Variants in SPSB1 observed in about 807,000 individuals in gnomAD.
SPSB1 encodes SPRY domain-containing SOCS box protein 1.
SPSB1 carries 8 observed loss-of-function variants against 21.2 expected under a neutral mutation model. The observed-to-expected ratio is 0.38, with a 90% CI of 0.22 to 0.68. The LOEUF (loss-of-function observed/expected upper bound fraction) is 0.68, where lower values mean the gene tolerates loss of function less well. SPSB1 is among the 30% of genes least tolerant of loss of function. The pLI is 0.53. For missense variants in SPSB1, 242 were observed against 377.8 expected (o/e 0.64, Z 2.98); for synonymous variants, 169 against 161.7 (o/e 1.05, Z -0.34).
intron 1 of SPSB1, among the ~76,000 whole-genome samples, chr1:9,312,409 T>C (rs2100472418): frequency 6.6e-6 from 1 of 152,238 alleles, no homozygotes; most frequent in East Asian, 1.9e-4. Context: ...CAGGGTTCTT[T>C]CGTAACAGCC....
intron 1 of SPSB1, among the ~76,000 whole-genome samples, chr1:9,344,438 C>T (rs554171001): frequency 6.6e-6 from 1 of 152,152 alleles, no homozygotes; most frequent in East Asian, 1.9e-4. Context: ...GTGACGGGAC[C>T]GAGCAACTTG....
At chr1:9,354,163 G>C (rs12727816) in intron 1 of SPSB1, among the ~76,000 whole-genome samples, 2 of 152,010 alleles carry the variant, frequency 1.3e-5, no homozygotes, top group East Asian at 1.9e-4. Flanking sequence ...CATACTGAAG[G>C]GGGAGGCCAG....
intron 1 of SPSB1, among the ~76,000 whole-genome samples, chr1:9,297,131 G>A (rs527442712): frequency 6.6e-6 from 1 of 152,270 alleles, no homozygotes; most frequent in African/African-American, 2.4e-5. Flanking sequence ...GTGACTGTGA[G>A]AATGGTTTGT....
chr1:9,324,095 C>G lies in SPSB1; in HGVS notation c.-150+31024C>G, dbSNP rs946574645. Among the ~76,000 whole-genome samples the G allele has an allele frequency of 2.0e-5, 3 of 152,218 alleles. No individual in the cohort carries two copies. On this transcript the variant is annotated intron_variant, in intron 1 of 2. Coordinates refer to ENST00000328089, the MANE Select transcript of SPSB1 (RefSeq NM_025106.4). This position sits in a 1 kb window ranked among gnomAD's most constrained non-coding sequence, Gnocchi z 4.3. ...GCCTGGTTGCTCTGTCATGGCCCCACCTTTTTTCCTAGGTTTTTCAGTCCA... is the reference window on the plus strand; with the variant it reads ...GCCTGGTTGCTCTGTCATGGCCCCAGCTTTTTTCCTAGGTTTTTCAGTCCA...
At chr1:9,311,029 C>T (rs184219471) in intron 1 of SPSB1, among the ~76,000 whole-genome samples, 5 of 152,168 alleles carry the variant, frequency 3.3e-5, no homozygotes, top group East Asian at 1.9e-4. Context: ...TGTATCCTAT[C>T]GGGCCAATTT....
At chr1:9,337,170 G>A (rs12731339) in intron 1 of SPSB1, among the ~76,000 whole-genome samples, 75,520 of 151,730 alleles carry the variant, frequency 0.5, 19,562 homozygotes, top group Middle Eastern at 0.59. Flanking sequence ...GTTTCCATCT[G>A]GTTGTCCTAG....
At chr1:9,302,973 G>A (rs928458443) in intron 1 of SPSB1, among the ~76,000 whole-genome samples, 2 of 152,190 alleles carry the variant, frequency 1.3e-5, no homozygotes, top group African/African-American at 2.4e-5. Flanking sequence ...TCCAGAGAGA[G>A]GAATGCTCCT....
rs144658543 is a variant in SPSB1, at chr1:9,321,560, G to A, written c.-150+28489G>A. Among the ~76,000 whole-genome samples, 60 of 152,312 alleles carry A rather than the reference G, an allele frequency of 3.9e-4. 1 individual carries two copies. In the South Asian group the frequency reaches 4.6e-3, roughly 12 times the overall value. On this transcript the variant is annotated intron_variant, in intron 1 of 2. Transcript: ENST00000328089. The surrounding 1 kb of genome is among the most constrained non-coding windows in gnomAD (Gnocchi z 4.8). ...AGAACGGGGAAGAGGGTGTTTGAGAGACTGATGAGTCAGTGAGGGAGACCG... is the reference window on the plus strand; with the variant it reads ...AGAACGGGGAAGAGGGTGTTTGAGAAACTGATGAGTCAGTGAGGGAGACCG...
At chr1:9,300,504 G>C (rs1159946984) in intron 1 of SPSB1, among the ~76,000 whole-genome samples, 1 of 152,210 alleles carries the variant, frequency 6.6e-6, no homozygotes, top group African/African-American at 2.4e-5. Flanking sequence ...TACAGGCCTT[G>C]GGATTTTGGA....
chr1:9,368,463 G>C lies in SPSB1; in HGVS notation c.*888G>C, dbSNP rs1169230194. 1.3e-5 allele frequency: 2 copies of C among 152,232 alleles called. No individual in the cohort carries two copies. The highest frequency in any genetic ancestry group is 2.9e-5 in the Non-Finnish European group (2 of 68,054). 9.4% of individuals were successfully genotyped at this position (152,232 alleles called of 1,614,324 possible). A position where few individuals can be genotyped will look rare whatever the true frequency, so the allele number is the denominator to read the frequency against. On this transcript the variant is annotated 3_prime_UTR_variant, in exon 3 of 3. Transcript: ENST00000328089. ...TCACGTGCAATCTGGGTGTCTTCGG[G>C]GGCCCGTCTGGAAGGGCTGCAGCAA...
chr1:9,324,450 G>A lies in SPSB1; in HGVS notation c.-149-31293G>A, dbSNP rs1291406310. Among the ~76,000 whole-genome samples, 4 of 152,214 alleles carry A rather than the reference G, an allele frequency of 2.6e-5. No individual in the cohort carries two copies. Among genetic ancestry groups the A allele is most frequent in the Admixed American group, 6.5e-5 (1 of 15,292 alleles). On this transcript the variant is annotated intron_variant, in intron 1 of 2. Coordinates refer to ENST00000328089, the MANE Select transcript of SPSB1 (RefSeq NM_025106.4). This position sits in a 1 kb window ranked among gnomAD's most constrained non-coding sequence, Gnocchi z 4.3. Reference sequence around the variant, plus strand: ...TCTGGTGCCTGGGTGCACATCCCTGGCTGTCCTCCATGGTGTCTCTCTGTG... The same window carrying A: ...TCTGGTGCCTGGGTGCACATCCCTGACTGTCCTCCATGGTGTCTCTCTGTG...
chr1:9,364,250 C>T (rs1231478560), intron 2 of SPSB1, among the ~76,000 whole-genome samples: 1 of 152,236 alleles, frequency 6.6e-6, no homozygotes. Context: ...AGGCCAGATG[C>T]AGGCGCGCTC....
intron 2 of SPSB1, among the ~76,000 whole-genome samples, chr1:9,359,455 G>C (rs953189196): frequency 1.3e-5 from 2 of 152,184 alleles, no homozygotes; most frequent in Non-Finnish European, 2.9e-5. Flanking sequence ...TGTAATCCCA[G>C]CACTTTGGGA....
At chr1:9,298,426 ACGAATGAATGAATAAGTGAATGAATAAG>A (rs1382361198) in intron 1 of SPSB1, among the ~76,000 whole-genome samples, 2,151 of 93,690 alleles carry the variant, frequency 0.023, 36 homozygotes, top group South Asian at 0.038. Flanking sequence ...GAATAAGTGA[ACGAATGAATGAATAAGTGAATGAATAAG>A]TGAATGAATG....
chr1:9,299,822 G>A (rs1334971112), intron 1 of SPSB1, among the ~76,000 whole-genome samples: 1 of 151,604 alleles, frequency 6.6e-6, no homozygotes, highest in African/African-American at 2.4e-5. Flanking sequence ...AATTAGCCAG[G>A]CATGATGGTG....
Position 9,292,981 on chromosome 1 carries a change from A to C in SPSB1, c.-240A>C, listed in dbSNP as rs1329281172. On this transcript the variant is annotated 5_prime_UTR_variant, in exon 1 of 3. Transcript: ENST00000328089. ...CGCCGGGGCCGGGGCCGCGGGGAGG[A>C]GGCGACTTCGCTCCCTGCGGCGGGC... is the stretch of plus-strand genomic sequence containing the variant. 1 of 981,848 alleles carries C rather than the reference A, an allele frequency of 1.0e-6. No homozygotes were observed. Among genetic ancestry groups the C allele is most frequent in the African/African-American group, 1.8e-5 (1 of 56,254 alleles). 60.8% of individuals were successfully genotyped at this position (981,848 alleles called of 1,614,324 possible). A position where few individuals can be genotyped will look rare whatever the true frequency, so the allele number is the denominator to read the frequency against.
chr1:9,365,789 T>C (rs1042597734), intron 2 of SPSB1, among the ~76,000 whole-genome samples: 4 of 152,202 alleles, frequency 2.6e-5, no homozygotes, highest in Non-Finnish European at 5.9e-5. Context: ...TTGGGGGCTA[T>C]TTTGCTCACA....
intron 1 of SPSB1, among the ~76,000 whole-genome samples, chr1:9,296,712 G>A (rs991119268): frequency 5.3e-5 from 8 of 152,144 alleles, no homozygotes; most frequent in Non-Finnish European, 7.3e-5. Context: ...TTTAAAGGAA[G>A]CATCACATCT....
chr1:9,292,944 T>C lies in SPSB1; in HGVS notation c.-277T>C, dbSNP rs984724522. ...TGCGCGCTCGCAGCAGGAACCAGGC[T>C]CCAGGCGCCGGCGCCGGGGCCGGGG... On this transcript the variant is annotated 5_prime_UTR_variant, in exon 1 of 3. Coordinates refer to ENST00000328089, the MANE Select transcript of SPSB1 (RefSeq NM_025106.4). 1.8e-4 allele frequency: 152 copies of C among 843,860 alleles called. No individual in the cohort carries two copies. The highest frequency in any genetic ancestry group is 1.6e-4 in the Non-Finnish European group (125 of 761,856). The allele number at this position is 843,860 out of a possible 1,614,324, so 52.3% of individuals were successfully genotyped here.
Sources: allele counts gnomAD v4.1 joint callset (sites outside exome capture counted in the v4.1 genomes callset), GRCh38; gene constraint gnomAD v4.1.1; non-coding constraint Gnocchi (gnomAD v3.1); transcripts MANE v1.5; gene names NCBI Gene and HGNC (gene_info 2026-07-23, HGNC 2026-07-21).